The following FN1 variants were observed in gnomAD, a reference collection of about 807,000 sequenced individuals.
The protein encoded by FN1 is fibronectin.
In FN1, 106 loss-of-function variants were observed where a neutral mutation model predicts 297.3. That is an observed-to-expected ratio of 0.36 (90% confidence interval 0.30 to 0.42). The LOEUF (loss-of-function observed/expected upper bound fraction) is 0.42. Ranked by LOEUF, FN1 falls within the 10% of genes least tolerant of loss-of-function variation. The pLI is 1.00. For missense variants in FN1, 2,690 were observed against 3,124.9 expected, an observed-to-expected ratio of 0.86 and a Z score of 3.32; for synonymous variants, 1,149 against 1,152.6, an observed-to-expected ratio of 1.00 and a Z score of 0.06.
rs767001317 is a variant in FN1, at chr2:215,379,232, G to A, written c.5520C>T (p.Leu1840=). The change falls in exon 34 of 46, where the codon CTC becomes CTT. Residue 1840 remains leucine, a synonymous_variant. Transcript: ENST00000354785. ...SAQWTPPNVQ[L]TGYRVRVTPK... ...GGGTCACCCGCACTCGATATCCAGTGAGCTGAACATTGGGTGGTGTCCACT... is the reference window on the plus strand; with the variant it reads ...GGGTCACCCGCACTCGATATCCAGTAAGCTGAACATTGGGTGGTGTCCACT... 1.2e-6 allele frequency: 2 copies of A among 1,614,086 alleles called. No individual in the cohort carries two copies. The highest frequency in any genetic ancestry group is 1.7e-6 in the Non-Finnish European group (2 of 1,180,000).
At chr2:215,373,205 T>C in intron 39 of FN1, 117 bp downstream of exon 39, 1 of 790,076 alleles carries the variant, frequency 1.3e-6, no homozygotes. Flanking sequence ...TGCTGTTAGA[T>C]AAAAAAAATC....
intron 12 of FN1, among the ~76,000 whole-genome samples, chr2:215,418,716 G>A (rs1203483525): frequency 6.6e-6 from 1 of 152,184 alleles, no homozygotes; most frequent in East Asian, 1.9e-4. Context: ...TGTGGGCAGA[G>A]AGTTGACCAA....
rs1178742798 is a variant in FN1 at position 215,391,630 on chromosome 2, A to G, written c.4252+2T>C. 1.2e-6 allele frequency: 2 copies of G among 1,610,962 alleles called. No homozygotes were observed. The highest frequency in any genetic ancestry group is 1.7e-6 in the Non-Finnish European group (2 of 1,177,238). ...ATGGAACAGATACATTCAACTGCTT[A>G]CTTGTTAAGACCACTGCATTGTCTG... On this transcript the variant is annotated splice_donor_variant, in intron 26 of 45. Coordinates refer to ENST00000354785, the MANE Select transcript of FN1 (RefSeq NM_212482.4). LOFTEE classifies it high-confidence loss of function.
chr2:215,365,196 C>T (rs371974003), intron 43 of FN1, among the ~76,000 whole-genome samples: 2 of 152,102 alleles, frequency 1.3e-5, no homozygotes, highest in African/African-American at 2.4e-5. Flanking sequence ...AAGGGTCCAA[C>T]GGGAAGATGG....
intron 1 of FN1, among the ~76,000 whole-genome samples, chr2:215,435,355 A>G (rs1369353256): frequency 6.6e-6 from 1 of 152,102 alleles, no homozygotes; most frequent in Non-Finnish European, 1.5e-5. Context: ...GACATGCATC[A>G]TTTTTCTCTT....
intron 23 of FN1, among the ~76,000 whole-genome samples, chr2:215,396,149 A>G (rs1023820097): frequency 6.6e-6 from 1 of 152,240 alleles, no homozygotes; most frequent in African/African-American, 2.4e-5. Flanking sequence ...TTTTAAACAA[A>G]AATTTCACAA....
At chr2:215,392,791 C>T in intron 25 of FN1, 140 bp downstream of exon 25, 1 of 903,970 alleles carries the variant, frequency 1.1e-6, no homozygotes, top group Non-Finnish European at 1.8e-6. Flanking sequence ...GCATTTGATT[C>T]CTTATCCCCC....
chr2:215,377,129 A>G (rs1451590679), intron 35 of FN1, among the ~76,000 whole-genome samples: 1 of 150,422 alleles, frequency 6.6e-6, no homozygotes, highest in African/African-American at 2.4e-5. Flanking sequence ...TACGGCAAGT[A>G]TTTTGTATTT....
At position 215,401,245 on chromosome 2, in the gene FN1, A is replaced by AG. The variant is rs1491322873; in HGVS notation, c.3254-1895dup. Among the ~76,000 whole-genome samples, 56 of 43,610 alleles carry AG rather than the reference A, an allele frequency of 1.3e-3. 3 individuals are homozygous for AG. The highest frequency in any genetic ancestry group is 2.9e-3 in the African/African-American group (38 of 13,140). 28.6% of individuals were successfully genotyped at this position (43,610 alleles called of 152,430 possible). A position where few individuals can be genotyped will look rare whatever the true frequency, so the allele number is the denominator to read the frequency against. On this transcript the variant is annotated intron_variant, in intron 20 of 45. Coordinates refer to ENST00000354785, the MANE Select transcript of FN1 (RefSeq NM_212482.4). ...AAGAAAGAAAGAAAGAAAGAAAGAA[A>AG]GAAAGGAAGAAAGAAAGGAAGGAAA...
At chr2:215,395,942 G>C (rs543952130) in intron 23 of FN1, among the ~76,000 whole-genome samples, 1 of 152,144 alleles carries the variant, frequency 6.6e-6, no homozygotes, top group East Asian at 1.9e-4. Context: ...CAACTCAGCT[G>C]GAAATTGTAT....
chr2:215,397,915 G>T, intron 21 of FN1, 67 bp from the exon 22 acceptor site: 5 of 1,373,394 alleles, frequency 3.6e-6, no homozygotes, highest in South Asian at 1.2e-5. Flanking sequence ...CTGCTGTGAG[G>T]CTATGATTAT....
chr2:215,401,416 CTTA>C (rs1363325327), intron 20 of FN1, among the ~76,000 whole-genome samples: 2 of 152,182 alleles, frequency 1.3e-5, no homozygotes, highest in African/African-American at 2.4e-5. Context: ...CCTTGCAAAT[CTTA>C]TTATAAATGT....
In FN1 at chr2:215,372,275, G is replaced by T. The variant is rs145915433; in HGVS notation, c.6348C>A (p.His2116Gln). Residue 2116 changes from histidine (H) to glutamine (Q), a missense_variant, in exon 40 of 46, where the codon CAC becomes CAA. Coordinates refer to ENST00000354785, the MANE Select transcript of FN1 (RefSeq NM_212482.4). ...TACCATTTCCAGTGTCATACCCAGG[G>T]TGGGTGACGAAAGGGGTCTTTTGAA... ...STVQKTPFVT[H>Q]PGYDTGNGIQ... is the part of the protein sequence containing the mutation. The T allele has an allele frequency of 2.2e-5, 36 of 1,614,152 alleles. No homozygotes were observed. In the African/African-American group the frequency reaches 4.0e-4, roughly 18 times the overall value.
chr2:215,408,030 C>T (rs1006809307), intron 17 of FN1, 78 bp downstream of exon 17: 47 of 1,071,342 alleles, frequency 4.4e-5, no homozygotes, highest in African/African-American at 9.4e-5. Flanking sequence ...TATGCAGGTC[C>T]GCAGTCAGAA....
intron 24 of FN1, 24 bp from the exon 25 acceptor site, chr2:215,393,227 A>AG (rs751282256): frequency 4.1e-6 from 6 of 1,475,892 alleles, no homozygotes; most frequent in African/African-American, 4.3e-5. Flanking sequence ...AAGCAAAGGG[A>AG]GGGGGAGGCA....
intron 15 of FN1, among the ~76,000 whole-genome samples, chr2:215,409,236 C>T (rs1043723284): frequency 2.0e-5 from 3 of 152,070 alleles, no homozygotes; most frequent in South Asian, 2.1e-4. Flanking sequence ...TATGAGTGAC[C>T]GTACTGTGCT....
Position 215,367,855 on chromosome 2 carries a change from C to T in FN1, c.7018+8G>A. The T allele has an allele frequency of 6.2e-7, 1 of 1,613,796 alleles. No homozygotes were observed. The highest frequency in any genetic ancestry group is 8.5e-7 in the Non-Finnish European group (1 of 1,179,742). Reference sequence around the variant, plus strand: ...ACACGGAAGTGGATGGACAAAGCAACTACTCACTAGATGAATCACATCTGA... The same window carrying T: ...ACACGGAAGTGGATGGACAAAGCAATTACTCACTAGATGAATCACATCTGA... On this transcript the variant is annotated splice_region_variant and intron_variant, in intron 42 of 45. Coordinates refer to ENST00000354785, the MANE Select transcript of FN1 (RefSeq NM_212482.4).
chr2:215,388,414 T>C lies in FN1; in HGVS notation c.4253-113A>G, dbSNP rs1575451888. The C allele has an allele frequency of 3.9e-6, 3 of 770,932 alleles. No homozygotes were observed. In the East Asian group the frequency reaches 7.5e-5, roughly 19 times the overall value. 47.8% of individuals were successfully genotyped at this position (770,932 alleles called of 1,614,324 possible). On this transcript the variant is annotated intron_variant, in intron 26 of 45. Transcript: ENST00000354785. Reference sequence around the variant, plus strand: ...TATCCAAATGTCCAGTCCTATAGCCTACTTACACCTAAGTGAACACTACAG... The same window carrying C: ...TATCCAAATGTCCAGTCCTATAGCCCACTTACACCTAAGTGAACACTACAG...
chr2:215,393,334 T>C lies in FN1; in HGVS notation c.3797-131A>G, dbSNP rs535815910. On this transcript the variant is annotated intron_variant, in intron 24 of 45. Transcript: ENST00000354785. ...TGGAATGTTAAAGCAATGATGGTAA[T>C]ATGCAATCTGTTTTAAATTCTCTGA... The C allele has an allele frequency of 2.6e-5, 21 of 812,060 alleles. No homozygotes were observed. In the East Asian group the frequency reaches 4.8e-4, roughly 18 times the overall value. 50.3% of individuals were successfully genotyped at this position (812,060 alleles called of 1,614,324 possible). A position where few individuals can be genotyped will look rare whatever the true frequency, so the allele number is the denominator to read the frequency against.
Sources: gnomAD v4.1 joint callset for allele counts (sites outside exome capture counted in the v4.1 genomes callset) on GRCh38, gnomAD v4.1.1 for gene constraint, MANE v1.5 for transcripts, NCBI Gene and HGNC (gene_info 2026-07-23, HGNC 2026-07-21) for gene names.